The following OSBPL3 variants were observed in gnomAD, a reference collection of about 807,000 sequenced individuals.
The protein encoded by OSBPL3 is oxysterol-binding protein-related protein 3.
Under a neutral mutation model 120.1 loss-of-function variants are expected in OSBPL3, and 65 were observed. The ratio of observed to expected loss-of-function variants is 0.54; its 90% CI spans 0.44 to 0.67. The LOEUF (loss-of-function observed/expected upper bound fraction) is 0.67. Ranked by LOEUF, OSBPL3 falls within the 30% of genes least tolerant of loss-of-function variation. The pLI is 0.00. For missense variants in OSBPL3, 1,004 were observed against 1,082.1 expected (o/e 0.93, Z 1.01); for synonymous variants, 416 against 402.6 (o/e 1.03, Z -0.40).
chr7:24,927,871 A>G (rs1811257950), intron 1 of OSBPL3, among the ~76,000 whole-genome samples: 1 of 152,216 alleles, frequency 6.6e-6, no homozygotes, highest in South Asian at 2.1e-4. Flanking sequence ...TTTATATCCA[A>G]TAAAATGCAC....
intron 22 of OSBPL3, 85 bp from the exon 23 acceptor site, chr7:24,800,364 T>TC (rs60693954): frequency 0.053 from 39,759 of 747,562 alleles, 4,376 homozygotes; most frequent in African/African-American, 0.37. Context: ...CTCCCTGCTT[T>TC]CCCCATCCTC....
rs1384043005 is a variant in OSBPL3 at position 24,861,596 on chromosome 7, A to G, written c.1027+17T>C. 4.5e-6 allele frequency: 7 copies of G among 1,557,660 alleles called. No homozygotes were observed. The highest frequency in any genetic ancestry group is 1.9e-5 in the Admixed American group (1 of 52,662). The stretch of plus-strand genomic sequence containing the variant: ...CATTTTCATCAAACACATTAGGAAG[A>G]AAGAAAACTCATTTACCTTTATGGG... On this transcript the variant is annotated intron_variant, in intron 10 of 22. Transcript: ENST00000313367.
rs768679716 is a variant in OSBPL3, at chr7:24,821,287, G to C, written c.1885-1049C>G. Among the ~76,000 whole-genome samples the C allele has an allele frequency of 6.6e-6, 1 of 152,190 alleles. No individual in the cohort carries two copies. Among genetic ancestry groups the C allele is most frequent in the Non-Finnish European group, 1.5e-5 (1 of 68,020 alleles). ...ACCAATAGTCAGGGAAGAGGTAGCG[G>C]TAAGTCCCAGCAGTTTTGGTTTACC... On this transcript the variant is annotated intron_variant, in intron 16 of 22. Transcript: ENST00000313367. The surrounding 1 kb of genome is among the most constrained non-coding windows in gnomAD (Gnocchi z 5.5).
At position 24,852,430 on chromosome 7, in the gene OSBPL3, G is replaced by A. The variant is rs931520486; in HGVS notation, c.1158+74C>T. ...TCTCCTGAATTTTCAACATAATCATGGAAATAGAAATTACAAACCATTCAT... is the reference window on the plus strand; with the variant it reads ...TCTCCTGAATTTTCAACATAATCATAGAAATAGAAATTACAAACCATTCAT... On this transcript the variant is annotated intron_variant, in intron 11 of 22. Transcript: ENST00000313367. This position sits in a 1 kb window ranked among gnomAD's most constrained non-coding sequence, Gnocchi z 4.1. The A allele has an allele frequency of 2.9e-5, 36 of 1,261,174 alleles. No individual in the cohort carries two copies. Among genetic ancestry groups the A allele is most frequent in the Non-Finnish European group, 3.8e-5 (36 of 954,950 alleles). 78.1% of individuals were successfully genotyped at this position (1,261,174 alleles called of 1,614,324 possible).
rs961819542 is a variant in OSBPL3 at position 24,937,153 on chromosome 7, G to A, written c.-150+42733C>T. Among the ~76,000 whole-genome samples, 1 of 152,176 alleles carries A rather than the reference G, an allele frequency of 6.6e-6. No individual in the cohort carries two copies. Among genetic ancestry groups the A allele is most frequent in the African/African-American group, 2.4e-5 (1 of 41,442 alleles). ...TTCACATGGCGGCAGGAGAAATGCC[G>A]AGCAAAAGGGGGAAAAGGCCCTTAT... On this transcript the variant is annotated intron_variant, in intron 1 of 22. Transcript: ENST00000313367. The surrounding 1 kb of genome is among the most constrained non-coding windows in gnomAD (Gnocchi z 4.0).
Position 24,798,966 on chromosome 7 carries a change from C to G in OSBPL3, c.*1217G>C, listed in dbSNP as rs1352621825. ...CACATTTAAAAAGACGAAGGTTCCCCTTTCAGTAGTTATAATCTGTATTAT... is the reference window on the plus strand; with the variant it reads ...CACATTTAAAAAGACGAAGGTTCCCGTTTCAGTAGTTATAATCTGTATTAT... On this transcript the variant is annotated 3_prime_UTR_variant, in exon 23 of 23. Transcript: ENST00000313367. This position sits in a 1 kb window ranked among gnomAD's most constrained non-coding sequence, Gnocchi z 4.6. 6.5e-6 allele frequency: 1 copy of G among 152,672 alleles called. No individual in the cohort carries two copies. The highest frequency in any genetic ancestry group is 6.5e-5 in the Admixed American group (1 of 15,302). The allele number at this position is 152,672 out of a possible 1,614,324, so 9.5% of individuals were successfully genotyped here.
At position 24,820,167 on chromosome 7, in the gene OSBPL3, C is replaced by A. The variant is rs754924933; in HGVS notation, c.1948+8G>T. ...ATATGATGGAAGTAAAATGTATTAGCACATTACCTTGCCAGAAAACAAAAT... is the reference window on the plus strand; with the variant it reads ...ATATGATGGAAGTAAAATGTATTAGAACATTACCTTGCCAGAAAACAAAAT... On this transcript the variant is annotated splice_region_variant and intron_variant, in intron 17 of 22. Transcript: ENST00000313367. This position sits in a 1 kb window ranked among gnomAD's most constrained non-coding sequence, Gnocchi z 4.6. The A allele has an allele frequency of 3.3e-5, 52 of 1,576,730 alleles. No individual in the cohort carries two copies. The highest frequency in any genetic ancestry group is 4.5e-5 in the Non-Finnish European group (52 of 1,147,236).
chr7:24,976,542 CA>C (rs11286274), intron 1 of OSBPL3, among the ~76,000 whole-genome samples: 103,582 of 149,054 alleles, frequency 0.69, 35,816 homozygotes, highest in South Asian at 0.78. Context: ...ATTGGAAAGT[CA>C]AAAAAAAAAA....
Position 24,817,059 on chromosome 7 carries a change from A to C in OSBPL3, c.1949-371T>G, listed in dbSNP as rs1029401274. Among the ~76,000 whole-genome samples the C allele has an allele frequency of 5.3e-5, 8 of 152,208 alleles. No homozygotes were observed. The highest frequency in any genetic ancestry group is 1.2e-4 in the Non-Finnish European group (8 of 68,030). On this transcript the variant is annotated intron_variant, in intron 17 of 22. Coordinates refer to ENST00000313367, the MANE Select transcript of OSBPL3 (RefSeq NM_015550.4). The surrounding 1 kb of genome is among the most constrained non-coding windows in gnomAD (Gnocchi z 4.0). Reference sequence around the variant, plus strand: ...GAGGCTTGTCAGAAAGGGCCATCTAAATGGGGCTTTGAGGAATAAGCAGGA... The same window carrying C: ...GAGGCTTGTCAGAAAGGGCCATCTACATGGGGCTTTGAGGAATAAGCAGGA...
rs1013790146 is a variant in OSBPL3 at position 24,854,535 on chromosome 7, C to A, written c.1028-1901G>T. ...ACACACACACACACACACACACACA[C>A]ACAAACACACACAATGGTGCTGCCT... On this transcript the variant is annotated intron_variant, in intron 10 of 22. Coordinates refer to ENST00000313367, the MANE Select transcript of OSBPL3 (RefSeq NM_015550.4). The surrounding 1 kb of genome is among the most constrained non-coding windows in gnomAD (Gnocchi z 4.1). 3.4e-5 allele frequency among the ~76,000 whole-genome samples: 5 copies of A among 145,564 alleles called. No individual in the cohort carries two copies. The highest frequency in any genetic ancestry group is 1.0e-4 in the African/African-American group (4 of 39,144).
intron 1 of OSBPL3, among the ~76,000 whole-genome samples, chr7:24,907,479 G>C (rs997637792): frequency 2.0e-5 from 3 of 152,166 alleles, no homozygotes; most frequent in African/African-American, 7.2e-5. Flanking sequence ...AAAACACTCA[G>C]CATAGTCCTT....
In OSBPL3 at chr7:24,830,764, C is replaced by T. The variant is rs541076177; in HGVS notation, c.1884+4G>A. Reference sequence around the variant, plus strand: ...CCAACAAGCAAAAAATGGTGTACATCTACCTGTTCTGAAAAAAACTGGAAG... The same window carrying T: ...CCAACAAGCAAAAAATGGTGTACATTTACCTGTTCTGAAAAAAACTGGAAG... On this transcript the variant is annotated splice_donor_region_variant and intron_variant, in intron 16 of 22. Coordinates refer to ENST00000313367, the MANE Select transcript of OSBPL3 (RefSeq NM_015550.4). This position sits in a 1 kb window ranked among gnomAD's most constrained non-coding sequence, Gnocchi z 4.4. 2 of 1,607,708 alleles carry T rather than the reference C, an allele frequency of 1.2e-6. No individual in the cohort carries two copies. Among genetic ancestry groups the T allele is most frequent in the South Asian group, 2.2e-5 (2 of 89,310 alleles).
In OSBPL3 at chr7:24,808,039, A is replaced by G. The variant is rs1251351016; in HGVS notation, c.2318-1137T>C. ...CACCCTCCTGAGTAGCTGGGACTAC[A>G]GTAGATGCACACCACCATGCCTGGC... On this transcript the variant is annotated intron_variant, in intron 20 of 22. Transcript: ENST00000313367. This position sits in a 1 kb window ranked among gnomAD's most constrained non-coding sequence, Gnocchi z 4.6. 1.3e-5 allele frequency among the ~76,000 whole-genome samples: 2 copies of G among 152,160 alleles called. No individual in the cohort carries two copies. Among genetic ancestry groups the G allele is most frequent in the Non-Finnish European group, 2.9e-5 (2 of 68,032 alleles).
intron 2 of OSBPL3, among the ~76,000 whole-genome samples, chr7:24,888,698 G>A (rs1804886395): frequency 6.6e-6 from 1 of 152,128 alleles, no homozygotes; most frequent in South Asian, 2.1e-4. Flanking sequence ...TTTAACATAG[G>A]TATATAGGTA....
rs957625346 is a variant in OSBPL3 at position 24,817,429 on chromosome 7, C to A, written c.1949-741G>T. Among the ~76,000 whole-genome samples the A allele has an allele frequency of 8.5e-5, 13 of 152,070 alleles. No individual in the cohort carries two copies. Among genetic ancestry groups the A allele is most frequent in the Admixed American group, 2.6e-4 (4 of 15,262 alleles). ...CTGCTCAGGAGGCTGAGGCAGGAAC[C>A]CAAGAGGTGGAGGTTGCAGTGAGCC... On this transcript the variant is annotated intron_variant, in intron 17 of 22. Transcript: ENST00000313367. This position sits in a 1 kb window ranked among gnomAD's most constrained non-coding sequence, Gnocchi z 4.0.
At position 24,824,745 on chromosome 7, in the gene OSBPL3, T is replaced by C. The variant is rs1795499151; in HGVS notation, c.1885-4507A>G. Among the ~76,000 whole-genome samples, 3 of 152,066 alleles carry C rather than the reference T, an allele frequency of 2.0e-5. No individual in the cohort carries two copies. The highest frequency in any genetic ancestry group is 2.1e-4 in the South Asian group (1 of 4,820). ...ACATAAGAAGCACATAATTTGTCAG[T>C]AGAAATTGTGTTAAGGAAAATAAAG... On this transcript the variant is annotated intron_variant, in intron 16 of 22. Transcript: ENST00000313367. The surrounding 1 kb of genome is among the most constrained non-coding windows in gnomAD (Gnocchi z 4.9).
intron 14 of OSBPL3, among the ~76,000 whole-genome samples, chr7:24,840,028 T>C (rs6972764): frequency 0.018 from 2,482 of 141,826 alleles, 71 homozygotes; most frequent in African/African-American, 0.058. Flanking sequence ...AAAAGATATG[T>C]GTTACATTTT....
intron 2 of OSBPL3, among the ~76,000 whole-genome samples, chr7:24,885,433 G>A (rs1295284206): frequency 3.9e-5 from 6 of 152,026 alleles, no homozygotes; most frequent in Admixed American, 1.3e-4. Context: ...CTAATACCCT[G>A]CATAAATAAG....
chr7:24,849,391 T>C lies in OSBPL3; in HGVS notation c.1159-215A>G, dbSNP rs1239974336. The C allele has an allele frequency of 5.5e-6, 2 of 364,612 alleles. No individual in the cohort carries two copies. Among genetic ancestry groups the C allele is most frequent in the Non-Finnish European group, 1.0e-5 (2 of 197,700 alleles). 22.6% of individuals were successfully genotyped at this position (364,612 alleles called of 1,614,324 possible). A position where few individuals can be genotyped will look rare whatever the true frequency, so the allele number is the denominator to read the frequency against. Reference sequence around the variant, plus strand: ...TGACAAACCTGGGCTCTGGAAATGATGCTCTTTTTCTTTTCTCATTCCAGA... The same window carrying C: ...TGACAAACCTGGGCTCTGGAAATGACGCTCTTTTTCTTTTCTCATTCCAGA... On this transcript the variant is annotated intron_variant, in intron 11 of 22. Transcript: ENST00000313367. This position sits in a 1 kb window ranked among gnomAD's most constrained non-coding sequence, Gnocchi z 5.4.
Sources: allele counts gnomAD v4.1 joint callset (sites outside exome capture counted in the v4.1 genomes callset), GRCh38; gene constraint gnomAD v4.1.1; non-coding constraint Gnocchi (gnomAD v3.1); transcripts MANE v1.5; gene names NCBI Gene and HGNC (gene_info 2026-07-23, HGNC 2026-07-21).